The following LCP1 variants were observed in gnomAD, a reference collection of about 807,000 sequenced individuals.
LCP1 encodes plastin-2.
Under a neutral mutation model 72.0 loss-of-function variants are expected in LCP1, and 23 were observed. The observed-to-expected ratio is 0.32, with a 90% CI of 0.23 to 0.45. LCP1 has a LOEUF of 0.45. LCP1 is among the 20% of genes least tolerant of loss of function. LCP1 has a pLI of 1.00. For synonymous variants in LCP1, 245 were observed against 275.4 expected (o/e 0.89, Z 1.09); for missense variants, 571 against 748.3 (o/e 0.76, Z 2.76).
rs74679122 is a variant in LCP1, at chr13:46,154,080, G to A, written c.573+725C>T. 6.7e-3 allele frequency among the ~76,000 whole-genome samples: 1,018 copies of A among 152,312 alleles called. 13 individuals are homozygous for A. The highest frequency in any genetic ancestry group is 0.023 in the African/African-American group (961 of 41,560). On this transcript the variant is annotated intron_variant, in intron 6 of 15. Transcript: ENST00000323076. ...AAGAAAAGTGGGTCCTTGTTCTAGTGCTTAAATGATGAGTGAAAAATACTG... is the reference window on the plus strand; with the variant it reads ...AAGAAAAGTGGGTCCTTGTTCTAGTACTTAAATGATGAGTGAAAAATACTG...
intron 1 of LCP1, among the ~76,000 whole-genome samples, chr13:46,169,909 A>G (rs900446644): frequency 6.6e-6 from 1 of 152,218 alleles, no homozygotes; most frequent in Non-Finnish European, 1.5e-5. Flanking sequence ...ACTTATCGCA[A>G]CAATCATCAT....
intron 15 of LCP1, among the ~76,000 whole-genome samples, chr13:46,129,733 G>T (rs1340648813): frequency 6.6e-6 from 1 of 152,106 alleles, no homozygotes; most frequent in African/African-American, 2.4e-5. Flanking sequence ...GTATCTTCTA[G>T]ACCTGTGGTA....
At chr13:46,128,454 C>T (rs543124077) in intron 15 of LCP1, among the ~76,000 whole-genome samples, 2 of 152,176 alleles carry the variant, frequency 1.3e-5, no homozygotes, top group Admixed American at 6.5e-5. Flanking sequence ...AAAAATTAGC[C>T]AGGCGTGGTG....
intron 1 of LCP1, among the ~76,000 whole-genome samples, chr13:46,163,691 T>C (rs1436320001): frequency 1.3e-5 from 2 of 149,820 alleles, no homozygotes; most frequent in East Asian, 2.0e-4. Flanking sequence ...GATAGCCCCA[T>C]GGGAGATTTT....
intron 1 of LCP1, 118 bp from the exon 2 acceptor site, chr13:46,159,804 T>G (rs947597310): frequency 3.1e-6 from 2 of 649,824 alleles, no homozygotes; most frequent in African/African-American, 3.6e-5. Context: ...CCCCCATGAT[T>G]TAGAACTATC....
At chr13:46,151,888 C>G (rs1172833268) in intron 7 of LCP1, among the ~76,000 whole-genome samples, 1 of 152,186 alleles carries the variant, frequency 6.6e-6, no homozygotes, top group Non-Finnish European at 1.5e-5. Context: ...GGTGGGCTAC[C>G]TCTGTCTAAG....
At chr13:46,138,669 C>CAAA (rs2045679570) in intron 13 of LCP1, among the ~76,000 whole-genome samples, 1 of 152,116 alleles carries the variant, frequency 6.6e-6, no homozygotes, top group African/African-American at 2.4e-5. Context: ...TTTTCTGAGA[C>CAAA]AGAGTCTCGC....
chr13:46,155,980 A>G (rs930613725), intron 5 of LCP1, among the ~76,000 whole-genome samples: 1 of 152,238 alleles, frequency 6.6e-6, no homozygotes, highest in Non-Finnish European at 1.5e-5. Flanking sequence ...TCCTCATTAT[A>G]GAAGAGACTA....
intron 14 of LCP1, among the ~76,000 whole-genome samples, chr13:46,131,576 T>G (rs1460849115): frequency 6.6e-6 from 1 of 152,174 alleles, no homozygotes; most frequent in Non-Finnish European, 1.5e-5. Flanking sequence ...GCAGCACTAT[T>G]CATAATAGCA....
intron 13 of LCP1, among the ~76,000 whole-genome samples, chr13:46,140,182 T>A (rs2045688791): frequency 1.3e-5 from 2 of 152,134 alleles, no homozygotes; most frequent in African/African-American, 4.8e-5. Flanking sequence ...GAGAACTGTA[T>A]AGAGAGAAGA....
intron 1 of LCP1, among the ~76,000 whole-genome samples, chr13:46,177,951 T>C (rs2045939608): frequency 6.6e-6 from 1 of 152,118 alleles, no homozygotes; most frequent in Non-Finnish European, 1.5e-5. Flanking sequence ...TATAGATGCA[T>C]TTATTTGGGG....
At position 46,154,820 on chromosome 13, in the gene LCP1, G is replaced by A; in HGVS notation, c.558C>T (p.Thr186=). The change falls in exon 6 of 16, where the codon ACC becomes ACT. Residue 186 remains threonine, a synonymous_variant. Coordinates refer to ENST00000323076, the MANE Select transcript of LCP1 (RefSeq NM_002298.5). ...DERTINKKKL[T]PFTIQENLNL... ...GAAGACATACCTGAATGGTGAAAGGGGTTAGCTTCTTTTTGTTGATTGTTC... is the reference window on the plus strand; with the variant it reads ...GAAGACATACCTGAATGGTGAAAGGAGTTAGCTTCTTTTTGTTGATTGTTC... 3 of 1,613,646 alleles carry A rather than the reference G, an allele frequency of 1.9e-6. No individual in the cohort carries two copies. The South Asian group carries it at 3.3e-5, about 18-fold the overall frequency.
chr13:46,145,631 C>CAATGGTT (rs1157019155), intron 10 of LCP1, among the ~76,000 whole-genome samples: 5 of 78,234 alleles, frequency 6.4e-5, no homozygotes, highest in Admixed American at 1.5e-4. Context: ...GAGGGCAGGC[C>CAATGGTT]GGGCGCGGTG....
intron 1 of LCP1, among the ~76,000 whole-genome samples, chr13:46,179,457 G>A (rs1337102506): frequency 6.6e-6 from 1 of 152,138 alleles, no homozygotes; most frequent in Non-Finnish European, 1.5e-5. Flanking sequence ...AGGAGCTCAG[G>A]TCTGTCAGCA....
At chr13:46,137,251 G>A (rs2045670513) in intron 13 of LCP1, among the ~76,000 whole-genome samples, 1 of 151,702 alleles carries the variant, frequency 6.6e-6, no homozygotes, top group Admixed American at 6.6e-5. Flanking sequence ...AATAGAATTA[G>A]GCTGGGCCGG....
At position 46,127,445 on chromosome 13, in the gene LCP1, GC is replaced by G. The variant is rs1421377398; in HGVS notation, c.*145del. 1 of 922,842 alleles carries G rather than the reference GC, an allele frequency of 1.1e-6. No homozygotes were observed. The highest frequency in any genetic ancestry group is 2.7e-5 in the Admixed American group (1 of 37,162). 57.2% of individuals were successfully genotyped at this position (922,842 alleles called of 1,614,324 possible). ...GCACTTTTTGTTAAATACAGGAGAG[GC>G]TACTTGGCTGCACTAATATGTGCTT... is the stretch of plus-strand genomic sequence containing the variant. On this transcript the variant is annotated 3_prime_UTR_variant, in exon 16 of 16. Coordinates refer to ENST00000323076, the MANE Select transcript of LCP1 (RefSeq NM_002298.5).
intron 12 of LCP1, 78 bp from the exon 13 acceptor site, chr13:46,142,503 G>T: frequency 6.9e-7 from 1 of 1,450,652 alleles, no homozygotes; most frequent in South Asian, 1.3e-5. Flanking sequence ...TAAAAATAAA[G>T]ATAAAAAATG....
intron 13 of LCP1, among the ~76,000 whole-genome samples, chr13:46,136,969 T>C (rs1444462170): frequency 1.3e-5 from 2 of 152,158 alleles, no homozygotes; most frequent in Non-Finnish European, 2.9e-5. Flanking sequence ...AACTAAATGG[T>C]GCAGAGGGGA....
At position 46,142,416 on chromosome 13, in the gene LCP1, A is replaced by C; in HGVS notation, c.1378T>G (p.Cys460Gly). ...TTCCCCAATTCTACCGCGTAGTTAC[A>C]ATTCTCAAGCTGAATGAGCAGAAAG... Reference protein sequence around the residue: ...LGGNMKKLENCNYAVELGKNQ... With the variant: ...LGGNMKKLENGNYAVELGKNQ... The change falls in exon 13 of 16, where the codon TGT becomes GGT. Residue 460 changes from cysteine to glycine, a missense_variant. Physicochemically the swap from Cys to Gly is radical, Grantham distance 159. Transcript: ENST00000323076. 1.9e-6 allele frequency: 3 copies of C among 1,613,674 alleles called. No homozygotes were observed. The highest frequency in any genetic ancestry group is 2.5e-6 in the Non-Finnish European group (3 of 1,179,654).
Sources: allele counts gnomAD v4.1 joint callset (sites outside exome capture counted in the v4.1 genomes callset), GRCh38; gene constraint gnomAD v4.1.1; transcripts MANE v1.5; gene names NCBI Gene and HGNC (gene_info 2026-07-23, HGNC 2026-07-21).